Variants in ARHGEF11 observed in about 807,000 individuals in gnomAD.
ARHGEF11 encodes Rho guanine nucleotide exchange factor 11.
In ARHGEF11, 55 loss-of-function variants were observed where a neutral mutation model predicts 193.7. The observed-to-expected ratio is 0.28, with a 90% confidence interval of 0.23 to 0.36. ARHGEF11 has a LOEUF of 0.36. ARHGEF11 is among the 10% of genes least tolerant of loss of function. ARHGEF11 has a pLI of 1.00. For synonymous variants in ARHGEF11, 693 were observed against 768.0 expected, an observed-to-expected ratio of 0.90 and a Z score of 1.62; for missense variants, 1,723 against 2,005.6, an observed-to-expected ratio of 0.86 and a Z score of 2.69.
At chr1:156,975,334 G>A (rs1663109665) in intron 7 of ARHGEF11, among the ~76,000 whole-genome samples, 1 of 152,090 alleles carries the variant, frequency 6.6e-6, no homozygotes, top group African/African-American at 2.4e-5. Flanking sequence ...ATGCTTATTG[G>A]CCATTTGTAT....
At chr1:157,041,598 T>G (rs1672758699) in intron 1 of ARHGEF11, among the ~76,000 whole-genome samples, 1 of 152,234 alleles carries the variant, frequency 6.6e-6, no homozygotes, top group Admixed American at 6.5e-5. Context: ...CTTATTTGAC[T>G]ACATTTGAAA....
chr1:156,958,785 G>A lies in ARHGEF11; in HGVS notation c.1459C>T (p.Arg487Cys), dbSNP rs1014680705. 27 of 1,614,120 alleles carry A rather than the reference G, an allele frequency of 1.7e-5. No individual in the cohort carries two copies. Among genetic ancestry groups the A allele is most frequent in the East Asian group, 2.2e-5 (1 of 44,886 alleles). Reference sequence around the variant, plus strand: ...GCCAGCTGCTTCTCAGCCACTTGGCGCTCTCGGAGAGGGTCCCCATCCAGG... The same window carrying A: ...GCCAGCTGCTTCTCAGCCACTTGGCACTCTCGGAGAGGGTCCCCATCCAGG... Reference protein sequence around the residue: ...LDLDGDPLRERQVAEKQLAAL... With the variant: ...LDLDGDPLRECQVAEKQLAAL... Residue 487 changes from arginine to cysteine, a missense_variant, in exon 17 of 41, where the codon CGC becomes TGC. This residue lies in a region of ARHGEF11 where 646 missense variants were observed against 710.7 expected (regional missense o/e 0.91). Transcript: ENST00000368194.
At chr1:156,957,687 C>T in intron 18 of ARHGEF11, 105 bp downstream of exon 18, 3 of 1,276,022 alleles carry the variant, frequency 2.4e-6, no homozygotes, top group Non-Finnish European at 3.4e-6. Flanking sequence ...CATGGTTGTA[C>T]AACATGAGGG....
chr1:156,957,996 G>A (rs148514957), intron 17 of ARHGEF11, among the ~76,000 whole-genome samples, 181 bp from the exon 18 acceptor site: 4 of 152,316 alleles, frequency 2.6e-5, no homozygotes, highest in Non-Finnish European at 5.9e-5. Context: ...AATATTTGCC[G>A]AGTTGAAATA....
chr1:156,967,612 G>C (rs1382000050), intron 11 of ARHGEF11, among the ~76,000 whole-genome samples: 2 of 151,998 alleles, frequency 1.3e-5, no homozygotes, highest in African/African-American at 4.8e-5. Flanking sequence ...CAAGTAATAA[G>C]ATTTTGTTTG....
rs745876353 is a variant in ARHGEF11, at chr1:156,948,264, T to C, written c.2106-36A>G. On this transcript the variant is annotated intron_variant, in intron 23 of 40. Coordinates refer to ENST00000368194, the MANE Select transcript of ARHGEF11 (RefSeq NM_198236.3). This position sits in a 1 kb window ranked among gnomAD's most constrained non-coding sequence, Gnocchi z 4.2. Reference sequence around the variant, plus strand: ...AATGTCAACTCTCAGCAACCCTCTATCCTTGCCGCCACCCCTGAGATGTCC... The same window carrying C: ...AATGTCAACTCTCAGCAACCCTCTACCCTTGCCGCCACCCCTGAGATGTCC... 5 of 1,604,064 alleles carry C rather than the reference T, an allele frequency of 3.1e-6. No homozygotes were observed. Among genetic ancestry groups the C allele is most frequent in the South Asian group, 1.1e-5 (1 of 90,500 alleles).
At chr1:156,974,890 T>C (rs1457331228) in intron 7 of ARHGEF11, among the ~76,000 whole-genome samples, 1 of 152,264 alleles carries the variant, frequency 6.6e-6, no homozygotes, top group African/African-American at 2.4e-5. Flanking sequence ...GAACAGACTA[T>C]ATTTTGCTTA....
At chr1:156,936,491 A>ATATATATATAT (rs1553192701) in intron 40 of ARHGEF11, among the ~76,000 whole-genome samples, 1 of 71,394 alleles carries the variant, frequency 1.4e-5, no homozygotes, top group African/African-American at 6.1e-5. Flanking sequence ...AAAAAAAAAA[A>ATATATATATAT]AAAAAAATAT....
At chr1:156,979,083 T>C in intron 5 of ARHGEF11, 146 bp downstream of exon 5, 2 of 716,838 alleles carry the variant, frequency 2.8e-6, no homozygotes, top group Non-Finnish European at 2.5e-6. Flanking sequence ...GATCACTCCA[T>C]GTTACGATTA....
chr1:156,999,977 T>A (rs1044173511), intron 1 of ARHGEF11, among the ~76,000 whole-genome samples: 3 of 152,210 alleles, frequency 2.0e-5, no homozygotes, highest in African/African-American at 7.2e-5. Context: ...CTTTTTAAAA[T>A]TTTTTTGAGA....
At chr1:156,988,994 GA>G (rs1364259805) in intron 1 of ARHGEF11, among the ~76,000 whole-genome samples, 3 of 152,134 alleles carry the variant, frequency 2.0e-5, no homozygotes, top group African/African-American at 7.2e-5. Context: ...AAGGAAAGGA[GA>G]GAGGAGGGTA....
chr1:156,967,381 C>T (rs575382460), intron 11 of ARHGEF11, among the ~76,000 whole-genome samples: 66 of 152,298 alleles, frequency 4.3e-4, no homozygotes, highest in Admixed American at 8.5e-4. Flanking sequence ...ATTCCATTGC[C>T]AGACAGCCCA....
chr1:157,034,799 G>A (rs1454498227), intron 1 of ARHGEF11, among the ~76,000 whole-genome samples: 1 of 152,200 alleles, frequency 6.6e-6, no homozygotes, highest in Non-Finnish European at 1.5e-5. Context: ...TATTCTGCTA[G>A]AACTTTTACA....
rs534255199 is a variant in ARHGEF11 at position 157,019,817 on chromosome 1, T to A, written c.32+24482A>T. Among the ~76,000 whole-genome samples the A allele has an allele frequency of 2.6e-5, 4 of 152,258 alleles. No homozygotes were observed. The East Asian group carries it at 5.8e-4, about 22-fold the overall frequency. On this transcript the variant is annotated intron_variant, in intron 1 of 40. Coordinates refer to ENST00000368194, the MANE Select transcript of ARHGEF11 (RefSeq NM_198236.3). The stretch of plus-strand genomic sequence containing the variant: ...TTATAGAAAATGTGAACTGATCTAC[T>A]GTGAGAGAAAGGAGGCAAGTAGTTG...
chr1:156,968,079 T>C lies in ARHGEF11; in HGVS notation c.871A>G (p.Ser291Gly). 1 of 1,614,182 alleles carries C rather than the reference T, an allele frequency of 6.2e-7. No homozygotes were observed. ...ATGATCACAGGGGAGGTTCGAGGACTGTCTAGCCCAGGGTCTGACAGTACC... is the reference window on the plus strand; with the variant it reads ...ATGATCACAGGGGAGGTTCGAGGACCGTCTAGCCCAGGGTCTGACAGTACC... ...NSVLSDPGLD[S>G]PRTSPVIMAR... The change falls in exon 11 of 41, where the codon AGT becomes GGT. Residue 291 changes from serine to glycine, a missense_variant. This residue lies in a region of ARHGEF11 where 646 missense variants were observed against 710.7 expected (regional missense o/e 0.91). Transcript: ENST00000368194.
At chr1:156,980,328 C>A in intron 4 of ARHGEF11, 109 bp downstream of exon 4, 1 of 1,351,716 alleles carries the variant, frequency 7.4e-7, no homozygotes, top group Middle Eastern at 2.0e-4. Flanking sequence ...TCAGTGGCTG[C>A]CTGGCAGTTG....
rs1007586698 is a variant in ARHGEF11, at chr1:156,939,594, A to G, written c.4050T>C (p.Asp1350=). Residue 1350 remains aspartate, a synonymous_variant, in exon 37 of 41, where the codon GAT becomes GAC. Transcript: ENST00000368194. ...CTCCTGCTGCCTCTGTGCTTGAAGC[A>G]TCTTCAGCCAGATTCCTGTCCAGTT... is the stretch of plus-strand genomic sequence containing the variant. ...SPELDRNLAE[D]ASSTEAAGGY... 1 of 1,613,144 alleles carries G rather than the reference A, an allele frequency of 6.2e-7. No individual in the cohort carries two copies. The highest frequency in any genetic ancestry group is 1.3e-5 in the African/African-American group (1 of 74,916).
At chr1:156,943,810 A>G (rs1657574317) in intron 32 of ARHGEF11, 125 bp downstream of exon 32, 2 of 1,219,648 alleles carry the variant, frequency 1.6e-6, no homozygotes, top group Admixed American at 5.3e-5. Flanking sequence ...GGGTCAGGAC[A>G]GGAGGAAAGG....
At chr1:156,941,147 G>A (rs1033628467) in intron 35 of ARHGEF11, among the ~76,000 whole-genome samples, 41 of 152,250 alleles carry the variant, frequency 2.7e-4, no homozygotes, top group Non-Finnish European at 5.0e-4. Flanking sequence ...AGGCTGGGTG[G>A]GAATTTCTGG....
Sources: allele counts gnomAD v4.1 joint callset (sites outside exome capture counted in the v4.1 genomes callset), GRCh38; gene constraint gnomAD v4.1.1; regional missense constraint gnomAD v4.1.1; non-coding constraint Gnocchi (gnomAD v3.1); transcripts MANE v1.5; gene names NCBI Gene and HGNC (gene_info 2026-07-23, HGNC 2026-07-21).